MDGA2: variants seen among roughly 807,000 people sequenced by gnomAD.
The protein encoded by MDGA2 is MAM domain-containing glycosylphosphatidylinositol anchor protein 2.
MDGA2 carries 40 observed loss-of-function variants against 117.8 expected under a neutral mutation model. The ratio of observed to expected loss-of-function variants is 0.34; its 90% CI spans 0.26 to 0.44. The LOEUF (loss-of-function observed/expected upper bound fraction) is 0.44, where lower values mean the gene tolerates loss of function less well. Among genes scored for constraint, MDGA2 ranks in the 20% least tolerant of loss-of-function variants. The probability of loss-of-function intolerance (pLI) is 1.00; values close to 1 mark genes in which losing one functional copy is unlikely to be tolerated. For missense variants in MDGA2, 1,123 were observed against 1,250.6 expected (o/e 0.90, Z 1.54); for synonymous variants, 452 against 439.0 (o/e 1.03, Z -0.37).
At chr14:47,353,187 T>C (rs900547842) in intron 1 of MDGA2, among the ~76,000 whole-genome samples, 1 of 152,190 alleles carries the variant, frequency 6.6e-6, no homozygotes, top group Non-Finnish European at 1.5e-5. Flanking sequence ...TGCTCATACA[T>C]GGCATATTTC....
rs750110945 is a variant in MDGA2, at chr14:46,841,261, G to T, written c.*670C>A. The T allele has an allele frequency of 6.6e-6, 1 of 152,400 alleles. No individual in the cohort carries two copies. Among genetic ancestry groups the T allele is most frequent in the Non-Finnish European group, 1.5e-5 (1 of 67,986 alleles). The allele number at this position is 152,400 out of a possible 1,614,324, so 9.4% of individuals were successfully genotyped here. On this transcript the variant is annotated 3_prime_UTR_variant, in exon 17 of 17. Coordinates refer to ENST00000399232, the MANE Select transcript of MDGA2 (RefSeq NM_001113498.3). ...CAGGTTTACCATCCTGGATAGTAGT[G>T]CATGCAAAAAGAGACAGCATACAGT...
At chr14:46,938,056 A>G (rs1314764991) in intron 9 of MDGA2, among the ~76,000 whole-genome samples, 1 of 152,242 alleles carries the variant, frequency 6.6e-6, no homozygotes, top group Non-Finnish European at 1.5e-5. Context: ...TTCATATTAC[A>G]GGGAATTACT....
At chr14:47,425,311 C>T (rs1358047128) in intron 1 of MDGA2, among the ~76,000 whole-genome samples, 2 of 152,076 alleles carry the variant, frequency 1.3e-5, no homozygotes, top group African/African-American at 2.4e-5. Context: ...GTGCACACAT[C>T]GATCCAGACA....
intron 7 of MDGA2, chr14:47,058,836 C>G (rs973074609): frequency 1.0e-6 from 1 of 985,600 alleles, no homozygotes; most frequent in African/African-American, 1.7e-5. Context: ...ATCTCCTAGG[C>G]CATCTAGCCT....
chr14:46,887,778 A>G (rs1163781861), intron 10 of MDGA2, among the ~76,000 whole-genome samples: 1 of 151,946 alleles, frequency 6.6e-6, no homozygotes, highest in Non-Finnish European at 1.5e-5. Flanking sequence ...ATTTATATAT[A>G]TATGAACAAT....
At chr14:47,236,452 T>G (rs1408580040) in intron 2 of MDGA2, among the ~76,000 whole-genome samples, 1 of 152,106 alleles carries the variant, frequency 6.6e-6, no homozygotes, top group East Asian at 1.9e-4. Context: ...ATAAAGAGAC[T>G]GAGATTCACA....
rs903106589 is a variant in MDGA2 at position 47,675,543 on chromosome 14, C to T, written c.-747G>A. 3.9e-5 allele frequency among the ~76,000 whole-genome samples: 6 copies of T among 152,116 alleles called. No homozygotes were observed. The highest frequency in any genetic ancestry group is 7.4e-5 in the Non-Finnish European group (5 of 68,008). On this transcript the variant is annotated 5_prime_UTR_variant, in exon 1 of 17. Transcript: ENST00000399232. The stretch of plus-strand genomic sequence containing the variant: ...GCCAGCGTAGAGGTGCTCTGGCCGG[C>T]CGCACCAATTCCCGGAGCCGAAAGC...
intron 1 of MDGA2, among the ~76,000 whole-genome samples, chr14:47,548,940 T>G (rs924025813): frequency 6.6e-6 from 1 of 152,056 alleles, no homozygotes; most frequent in Non-Finnish European, 1.5e-5. Flanking sequence ...AGGTTATTTA[T>G]TTTTTTTCAA....
rs1002256573 is a variant in MDGA2, at chr14:47,414,799, C to T, written c.281-113249G>A. On this transcript the variant is annotated intron_variant, in intron 1 of 16. Transcript: ENST00000399232. ...AAATTTATACCATGTCACCAAGAAC[C>T]CAACAAAAATTTAGATGTAATAAAA... 8.6e-5 allele frequency among the ~76,000 whole-genome samples: 13 copies of T among 151,576 alleles called. No individual in the cohort carries two copies. The South Asian group carries it at 1.0e-3, about 12-fold the overall frequency.
Position 47,007,557 on chromosome 14 carries a change from G to A in MDGA2, c.1819+27454C>T, listed in dbSNP as rs573335535. 1.9e-4 allele frequency among the ~76,000 whole-genome samples: 29 copies of A among 151,870 alleles called. No homozygotes were observed. The South Asian group carries it at 3.7e-3, about 20-fold the overall frequency. ...AGATGAACACAGATAACTAAATGAAGACACCGTGAACATGACCTTGCTACT... is the reference window on the plus strand; with the variant it reads ...AGATGAACACAGATAACTAAATGAAAACACCGTGAACATGACCTTGCTACT... On this transcript the variant is annotated intron_variant, in intron 8 of 16. Transcript: ENST00000399232.
intron 1 of MDGA2, among the ~76,000 whole-genome samples, chr14:47,562,052 C>T (rs1243630533): frequency 6.6e-6 from 1 of 152,128 alleles, no homozygotes; most frequent in Non-Finnish European, 1.5e-5. Context: ...AATATTGAAC[C>T]AACTTTGCAT....
intron 3 of MDGA2, among the ~76,000 whole-genome samples, chr14:47,177,478 A>T (rs1403806427): frequency 6.6e-6 from 1 of 152,236 alleles, no homozygotes; most frequent in Non-Finnish European, 1.5e-5. Flanking sequence ...GCCATAAAAA[A>T]TGATGAGTTC....
At chr14:47,282,639 G>C (rs1373706523) in intron 2 of MDGA2, among the ~76,000 whole-genome samples, 1 of 151,830 alleles carries the variant, frequency 6.6e-6, no homozygotes, top group Non-Finnish European at 1.5e-5. Context: ...TGGAGCTTCA[G>C]TGAGCCGAGA....
intron 1 of MDGA2, among the ~76,000 whole-genome samples, chr14:47,657,494 G>A (rs1225581617): frequency 2.0e-5 from 3 of 152,188 alleles, no homozygotes; most frequent in Non-Finnish European, 4.4e-5. Flanking sequence ...CCTGCCAGCA[G>A]GAGGGACCCT....
At chr14:47,646,416 T>C (rs1897536535) in intron 1 of MDGA2, among the ~76,000 whole-genome samples, 1 of 152,096 alleles carries the variant, frequency 6.6e-6, no homozygotes, top group South Asian at 2.1e-4. Context: ...TTAGCAGATT[T>C]TCAGTTTAAA....
At chr14:47,524,774 T>C (rs1299779117) in intron 1 of MDGA2, among the ~76,000 whole-genome samples, 1 of 152,220 alleles carries the variant, frequency 6.6e-6, no homozygotes, top group Non-Finnish European at 1.5e-5. Flanking sequence ...CTTATGCCTC[T>C]TGGTAGCTCC....
intron 9 of MDGA2, among the ~76,000 whole-genome samples, chr14:46,939,262 A>G (rs751803799): frequency 1.3e-5 from 2 of 152,184 alleles, no homozygotes; most frequent in Non-Finnish European, 2.9e-5. Context: ...TAGACGGGAT[A>G]TTGAATGTTT....
At chr14:47,035,852 AATTT>A (rs1379235494) in intron 7 of MDGA2, among the ~76,000 whole-genome samples, 2 of 152,178 alleles carry the variant, frequency 1.3e-5, no homozygotes, top group Admixed American at 6.6e-5. Context: ...GTGATATTTG[AATTT>A]ATTATTATTT....
At chr14:47,354,657 A>C (rs1388846167) in intron 1 of MDGA2, among the ~76,000 whole-genome samples, 2 of 151,906 alleles carry the variant, frequency 1.3e-5, no homozygotes, top group Non-Finnish European at 2.9e-5. Context: ...TATCCCCAAC[A>C]TTTTCTTTAC....
Sources: gnomAD v4.1 joint callset for allele counts (sites outside exome capture counted in the v4.1 genomes callset) on GRCh38, gnomAD v4.1.1 for gene constraint, MANE v1.5 for transcripts, NCBI Gene and HGNC (gene_info 2026-07-23, HGNC 2026-07-21) for gene names.